Variants in AGO2 observed in about 807,000 individuals in gnomAD.
AGO2 encodes protein argonaute-2.
In AGO2, 5 loss-of-function variants were observed where a neutral mutation model predicts 102.3. The observed-to-expected ratio is 0.05, with a 90% CI of 0.03 to 0.10. The LOEUF is 0.10. Among genes scored for constraint, AGO2 ranks in the 10% least tolerant of loss-of-function variants. The probability of loss-of-function intolerance (pLI) is 1.00; values close to 1 mark genes in which losing one functional copy is unlikely to be tolerated. For synonymous variants in AGO2, 449 were observed against 473.1 expected (o/e 0.95, Z 0.66); for missense variants, 541 against 1,183.7 (o/e 0.46, Z 7.97).
chr8:140,564,063 C>T (rs1008795341), intron 3 of AGO2, among the ~76,000 whole-genome samples: 14 of 152,216 alleles, frequency 9.2e-5, no homozygotes, highest in Non-Finnish European at 2.9e-5. Flanking sequence ...AAACTGGCCG[C>T]GCCCCGAGGA....
chr8:140,557,146 G>A lies in AGO2; in HGVS notation c.969C>T (p.Pro323=). The A allele has an allele frequency of 6.2e-7, 1 of 1,614,146 alleles. No homozygotes were observed. The change falls in exon 8 of 19, where the codon CCC becomes CCT. Residue 323 remains proline (P), a synonymous_variant. Transcript: ENST00000220592. The surrounding 1 kb of genome is among the most constrained non-coding windows in gnomAD (Gnocchi z 5.9). ...GTCCGACTTGTAAACATGGGAGGTGGGGGTAGCGCAGAACCAACTTGTGCC... is the reference window on the plus strand; with the variant it reads ...GTCCGACTTGTAAACATGGGAGGTGAGGGTAGCGCAGAACCAACTTGTGCC... The part of the protein sequence containing the change: ...KDRHKLVLRY[P]HLPCLQVGQE...
intron 5 of AGO2, among the ~76,000 whole-genome samples, chr8:140,560,143 T>C (rs1310916310): frequency 3.3e-5 from 5 of 152,214 alleles, no homozygotes; most frequent in Non-Finnish European, 5.9e-5. Flanking sequence ...CCTCAGCCCC[T>C]GACCACAGCC....
intron 2 of AGO2, among the ~76,000 whole-genome samples, chr8:140,582,805 T>G (rs1374586903): frequency 6.6e-6 from 1 of 152,160 alleles, no homozygotes; most frequent in Non-Finnish European, 1.5e-5. Flanking sequence ...AACTAAAAAG[T>G]TCTACTCATT....
intron 13 of AGO2, 52 bp downstream of exon 13, chr8:140,547,416 G>C: frequency 3.1e-6 from 5 of 1,588,682 alleles, no homozygotes; most frequent in Non-Finnish European, 4.3e-6. Context: ...ACCCTGCCAA[G>C]CGTCCCACTG....
intron 1 of AGO2, among the ~76,000 whole-genome samples, chr8:140,609,190 G>A (rs1433645017): frequency 2.0e-5 from 3 of 152,360 alleles, no homozygotes; most frequent in Non-Finnish European, 2.9e-5. Flanking sequence ...AGTGCTGAGC[G>A]GCTGCAGAGA....
rs1308575525 is a variant in AGO2, at chr8:140,521,671, A to G, written c.*10373T>C. On this transcript the variant is annotated 3_prime_UTR_variant, in exon 19 of 19. Transcript: ENST00000220592. ...GAAAGCCTTCCTAACTTACAGGCAC[A>G]CAGGGCCGCTGCTGAATGCAGGCCT... is the stretch of plus-strand genomic sequence containing the variant. 2.0e-5 allele frequency: 3 copies of G among 152,282 alleles called. No individual in the cohort carries two copies. The highest frequency in any genetic ancestry group is 7.2e-5 in the African/African-American group (3 of 41,476). The allele number at this position is 152,282 out of a possible 1,614,324, so 9.4% of individuals were successfully genotyped here.
chr8:140,556,354 C>T, intron 8 of AGO2, 68 bp from the exon 9 acceptor site: 2 of 1,588,304 alleles, frequency 1.3e-6, no homozygotes. Context: ...AGGCAGGGGG[C>T]TCAGGGGCTG....
intron 17 of AGO2, among the ~76,000 whole-genome samples, chr8:140,534,120 C>A (rs2072651389): frequency 6.6e-6 from 1 of 152,202 alleles, no homozygotes; most frequent in African/African-American, 2.4e-5. Context: ...CCTGATGCTC[C>A]ACCGCACATG....
intron 14 of AGO2, 135 bp from the exon 15 acceptor site, chr8:140,541,493 G>A: frequency 3.6e-6 from 3 of 827,202 alleles, no homozygotes; most frequent in African/African-American, 1.7e-5. Flanking sequence ...AGTGACAATG[G>A]CTGGCTGGGT....
At chr8:140,588,117 G>A (rs1203038031) in intron 1 of AGO2, among the ~76,000 whole-genome samples, 1 of 152,190 alleles carries the variant, frequency 6.6e-6, no homozygotes, top group Non-Finnish European at 1.5e-5. Flanking sequence ...CTCCTCCCCA[G>A]GCCACAGGTG....
chr8:140,563,661 T>C (rs934339392), intron 3 of AGO2, among the ~76,000 whole-genome samples: 2 of 152,256 alleles, frequency 1.3e-5, no homozygotes, highest in East Asian at 3.8e-4. Context: ...CCATGTGTGA[T>C]GCCAGGGTCC....
In AGO2 at chr8:140,521,264, T is replaced by C. The variant is rs778486338; in HGVS notation, c.*10780A>G. On this transcript the variant is annotated 3_prime_UTR_variant, in exon 19 of 19. Coordinates refer to ENST00000220592, the MANE Select transcript of AGO2 (RefSeq NM_012154.5). ...CAGCATACTAAAGGATGATTTACTC[T>C]TTACAAAATAGAGCTTAAGTATCAA... 2.6e-5 allele frequency: 4 copies of C among 152,194 alleles called. No individual in the cohort carries two copies. Among genetic ancestry groups the C allele is most frequent in the African/African-American group, 4.8e-5 (2 of 41,446 alleles). The allele number at this position is 152,194 out of a possible 1,614,324, so 9.4% of individuals were successfully genotyped here. A position where few individuals can be genotyped will look rare whatever the true frequency, so the allele number is the denominator to read the frequency against.
At chr8:140,568,350 C>T (rs546259092) in intron 3 of AGO2, among the ~76,000 whole-genome samples, 2 of 151,842 alleles carry the variant, frequency 1.3e-5, no homozygotes, top group South Asian at 2.1e-4. Context: ...GGCACAGAGG[C>T]GCAGCTGCCT....
chr8:140,558,580 C>T lies in AGO2; in HGVS notation c.791-8G>A. On this transcript the variant is annotated splice_polypyrimidine_tract_variant and splice_region_variant and intron_variant, in intron 6 of 18. Transcript: ENST00000220592. Reference sequence around the variant, plus strand: ...TTATCTCCACCTTTAGACCTGGGGACACAGAACACAGGCATCGGCATCGGG... The same window carrying T: ...TTATCTCCACCTTTAGACCTGGGGATACAGAACACAGGCATCGGCATCGGG... 6.2e-7 allele frequency: 1 copy of T among 1,613,996 alleles called. No individual in the cohort carries two copies.
intron 10 of AGO2, among the ~76,000 whole-genome samples, chr8:140,553,741 C>T (rs1157477110): frequency 2.6e-5 from 4 of 151,464 alleles, no homozygotes; most frequent in Non-Finnish European, 5.9e-5. Flanking sequence ...CTCTGTTGCC[C>T]AGGCTGGAGT....
intron 1 of AGO2, among the ~76,000 whole-genome samples, chr8:140,627,298 T>G (rs1048777343): frequency 6.6e-6 from 1 of 152,216 alleles, no homozygotes; most frequent in Non-Finnish European, 1.5e-5. Context: ...GTCAACATGA[T>G]GTTGGAAAGA....
At chr8:140,548,133 T>C (rs1259602239) in intron 12 of AGO2, among the ~76,000 whole-genome samples, 2 of 152,002 alleles carry the variant, frequency 1.3e-5, no homozygotes, top group Admixed American at 6.6e-5. Context: ...CTGGCCAACA[T>C]GGCAAAACCC....
chr8:140,580,683 G>A (rs2073543592), intron 2 of AGO2, among the ~76,000 whole-genome samples: 1 of 152,238 alleles, frequency 6.6e-6, no homozygotes, highest in South Asian at 2.1e-4. Context: ...CAGGAAGGTG[G>A]GTCATGGGAG....
chr8:140,586,236 T>C (rs1342085501), intron 1 of AGO2, among the ~76,000 whole-genome samples: 2 of 152,212 alleles, frequency 1.3e-5, no homozygotes, highest in Non-Finnish European at 2.9e-5. Flanking sequence ...CTCACACCTA[T>C]AATCCCAGCA....
Sources: gnomAD v4.1 joint callset for allele counts (sites outside exome capture counted in the v4.1 genomes callset) on GRCh38, gnomAD v4.1.1 for gene constraint, Gnocchi (gnomAD v3.1) non-coding constraint, MANE v1.5 for transcripts, NCBI Gene and HGNC (gene_info 2026-07-23, HGNC 2026-07-21) for gene names.